C10orf105: variants seen among roughly 807,000 people sequenced by gnomAD.
C10orf105 encodes chromosome 10 open reading frame 105.
A neutral mutation model predicts 0.6 loss-of-function variants in C10orf105; 2 were observed. The observed-to-expected ratio is 3.18, with a 90% CI of 1.30 to 10.01. The LOEUF is 10.01. Ranked by LOEUF, C10orf105 falls within the 30% of genes most tolerant of loss-of-function variation. C10orf105 has a pLI of 0.04. For missense variants in C10orf105, 209 were observed against 191.4 expected, an observed-to-expected ratio of 1.09 and a Z score of -0.54; for synonymous variants, 95 against 82.4, an observed-to-expected ratio of 1.15 and a Z score of -0.83.
Position 71,725,292 on chromosome 10 carries a change from G to T in C10orf105, c.-5-8950C>A, listed in dbSNP as rs1453087604. ...ACAAGGAGGGGACTGGTGAACTTCT[G>T]CCCCCAACCATGGCAGGCCAGCACA... On this transcript the variant is annotated intron_variant, in intron 1 of 1. Transcript: ENST00000398786. The T allele has an allele frequency of 4.4e-6, 7 of 1,601,480 alleles. No homozygotes were observed. The African/African-American group carries it at 9.4e-5, about 21-fold the overall frequency.
At chr10:71,723,448 C>T (rs909718600), upstream of C10orf105, among the ~76,000 whole-genome samples, 6 of 152,186 alleles carry the variant, frequency 3.9e-5, no homozygotes, top group South Asian at 4.1e-4. Flanking sequence ...CACATAAACA[C>T]ATAAGCCTGA....
chr10:71,720,007 G>A (rs1183640029), upstream of C10orf105, among the ~76,000 whole-genome samples: 4 of 152,240 alleles, frequency 2.6e-5, no homozygotes, highest in African/African-American at 9.6e-5. Flanking sequence ...CGCAGGGGGA[G>A]GGTTTTACTG....
rs1436765526 is a variant in C10orf105 at position 71,730,617 on chromosome 10, G to A, written c.-6+7111C>T. ...GACCGAGACTCTGGTGAGGCTGGCAGGAGGAAGCCGGGGATCCCATTGCTC... is the reference window on the plus strand; with the variant it reads ...GACCGAGACTCTGGTGAGGCTGGCAAGAGGAAGCCGGGGATCCCATTGCTC... On this transcript the variant is annotated intron_variant, in intron 1 of 1. Coordinates refer to the C10orf105 transcript ENST00000398786. The A allele has an allele frequency of 1.9e-6, 3 of 1,613,456 alleles. No individual in the cohort carries two copies. The highest frequency in any genetic ancestry group is 1.7e-5 in the Admixed American group (1 of 60,022).
chr10:71,734,652 A>G lies in C10orf105; in HGVS notation c.-6+3076T>C, dbSNP rs2132832438. On this transcript the variant is annotated intron_variant, in intron 1 of 1. Transcript: ENST00000398786. ...TCCCCTCCTGCTGCTGCCTCTGCCT[A>G]CAGAAGGTGAGTAGCCTGTGGCTGG... 6.8e-7 allele frequency: 1 copy of G among 1,470,250 alleles called. No individual in the cohort carries two copies. The allele number at this position is 1,470,250 out of a possible 1,614,324, so 91.1% of individuals were successfully genotyped here.
At chr10:71,736,251 A>G (rs1589386092) in intron 1 of C10orf105, among the ~76,000 whole-genome samples, 1 of 152,298 alleles carries the variant, frequency 6.6e-6, no homozygotes, top group African/African-American at 2.4e-5. Flanking sequence ...AGAGGCTCCC[A>G]GGGGCCGCTG....
intron 1 of C10orf105, among the ~76,000 whole-genome samples, chr10:71,737,009 T>TCACC (rs1387671839): frequency 6.6e-6 from 1 of 152,104 alleles, no homozygotes; most frequent in Non-Finnish European, 1.5e-5. Context: ...AGCCCTGTGG[T>TCACC]GTGAGGAAAC....
chr10:71,713,930 G>A lies in C10orf105; in HGVS notation c.*2006C>T, dbSNP rs1459587893. 1 of 153,138 alleles carries A rather than the reference G, an allele frequency of 6.5e-6. No homozygotes were observed. Among genetic ancestry groups the A allele is most frequent in the Non-Finnish European group, 1.5e-5 (1 of 68,818 alleles). The allele number at this position is 153,138 out of a possible 1,614,324, so 9.5% of individuals were successfully genotyped here. Reference sequence around the variant, plus strand: ...CAGGAAGAGGTTACTGAGCAGGAAGGGAGGAAGGAACAAAACCCTTAGGGA... The same window carrying A: ...CAGGAAGAGGTTACTGAGCAGGAAGAGAGGAAGGAACAAAACCCTTAGGGA... On this transcript the variant is annotated 3_prime_UTR_variant, in exon 2 of 2. Transcript: ENST00000441508.
At chr10:71,734,626 C>G in intron 1 of C10orf105, 2 of 1,535,682 alleles carry the variant, frequency 1.3e-6, no homozygotes, top group Non-Finnish European at 1.8e-6. Context: ...TTTTCTCTCA[C>G]TCCCCTCCTG....
chr10:71,717,709 G>T (rs1296891122), intron 1 of C10orf105: 1 of 152,264 alleles, frequency 6.6e-6, no homozygotes, highest in Admixed American at 6.5e-5. Context: ...GAATGGTGCT[G>T]TCAGTGCCGG....
At chr10:71,716,433 G>A in intron 1 of C10orf105, 91 bp from the exon 2 acceptor site, 1 of 1,040,414 alleles carries the variant, frequency 9.6e-7, no homozygotes, top group Non-Finnish European at 1.4e-6. Context: ...AATGTGGATG[G>A]GGGCAAGGCA....
At chr10:71,732,680 C>G in intron 1 of C10orf105, 2 of 1,337,420 alleles carry the variant, frequency 1.5e-6, no homozygotes, top group Non-Finnish European at 9.6e-7. Context: ...CCCTGTAACA[C>G]ATCCATTTTC....
At chr10:71,719,979 T>C (rs1014699985), upstream of C10orf105, among the ~76,000 whole-genome samples, 3 of 152,164 alleles carry the variant, frequency 2.0e-5, no homozygotes, top group East Asian at 1.9e-4. Flanking sequence ...CTCTCAGGGG[T>C]GGAAGACTCT....
chr10:71,734,429 T>C, intron 1 of C10orf105: 1 of 1,490,932 alleles, frequency 6.7e-7, no homozygotes, highest in Non-Finnish European at 9.2e-7. Context: ...AGCCACCCAA[T>C]GTATGGGCCA....
intron 1 of C10orf105, among the ~76,000 whole-genome samples, chr10:71,725,037 C>T (rs894959927): frequency 7.9e-5 from 12 of 152,238 alleles, no homozygotes; most frequent in Non-Finnish European, 1.3e-4. Context: ...AAAAAGGCCT[C>T]ACACTACCCA....
At chr10:71,717,076 A>T (rs1400900718) in intron 1 of C10orf105, 1 of 152,152 alleles carries the variant, frequency 6.6e-6, no homozygotes, top group East Asian at 1.9e-4. Flanking sequence ...GATTCCTGTG[A>T]CTGCTTCCCC....
chr10:71,733,112 C>T (rs1345075441), intron 1 of C10orf105, among the ~76,000 whole-genome samples: 1 of 152,176 alleles, frequency 6.6e-6, no homozygotes, highest in East Asian at 1.9e-4. Flanking sequence ...TCCACAAGTT[C>T]GATGAATTTG....
chr10:71,734,413 C>G, intron 1 of C10orf105: 1 of 1,509,194 alleles, frequency 6.6e-7, no homozygotes, highest in Non-Finnish European at 9.0e-7. Context: ...AACCCATGTC[C>G]TCGCCAGCCA....
At chr10:71,732,719 C>T (rs1839432295) in intron 1 of C10orf105, 1 of 1,217,148 alleles carries the variant, frequency 8.2e-7, no homozygotes, top group Admixed American at 4.0e-5. Flanking sequence ...AAGTTTATAC[C>T]TATGCAGGCT....
rs1389467095 is a variant in C10orf105 at position 71,716,847 on chromosome 10, AT to A, written c.-5-506del. ...TGTTTTTATCAATGTAATTATGAAT[AT>A]TTTCAAAATAATAACAGATTTCACA... On this transcript the variant is annotated intron_variant, in intron 1 of 1. Coordinates refer to ENST00000441508, the MANE Select transcript of C10orf105 (RefSeq NM_001164375.3). The A allele has an allele frequency of 3.3e-5, 5 of 153,434 alleles. No individual in the cohort carries two copies. The East Asian group carries it at 9.6e-4, about 29-fold the overall frequency. 9.5% of individuals were successfully genotyped at this position (153,434 alleles called of 1,614,324 possible).
Sources: gnomAD v4.1 joint callset for allele counts (sites outside exome capture counted in the v4.1 genomes callset) on GRCh38, gnomAD v4.1.1 for gene constraint, MANE v1.5 for transcripts, NCBI Gene and HGNC (gene_info 2026-07-23, HGNC 2026-07-21) for gene names.